CSMD1: variants seen among roughly 807,000 people sequenced by gnomAD.
The protein encoded by CSMD1 is CUB and sushi domain-containing protein 1.
A neutral mutation model predicts 417.5 loss-of-function variants in CSMD1; 213 were observed. That is an observed-to-expected ratio of 0.51 (90% confidence interval 0.46 to 0.57). CSMD1 has a LOEUF of 0.57. Among genes scored for constraint, CSMD1 ranks in the 20% least tolerant of loss-of-function variants. CSMD1 has a pLI of 0.00. For missense variants in CSMD1, 6,923 were observed against 4,529.7 expected, an observed-to-expected ratio of 1.53 and a Z score of -15.17; for synonymous variants, 2,862 against 1,736.8, an observed-to-expected ratio of 1.65 and a Z score of -16.11.
At chr8:4,567,969 C>T (rs1356209452) in intron 2 of CSMD1, among the ~76,000 whole-genome samples, 4 of 152,138 alleles carry the variant, frequency 2.6e-5, no homozygotes, top group Non-Finnish European at 4.4e-5. Context: ...AGCACAAGGA[C>T]TGTTATTTAA....
chr8:4,631,487 G>A (rs532192237), intron 2 of CSMD1, among the ~76,000 whole-genome samples: 5 of 151,256 alleles, frequency 3.3e-5, no homozygotes, highest in Admixed American at 6.6e-5. Context: ...GCAGAATTTA[G>A]GCAATGCTAG....
chr8:4,770,987 G>A (rs186842885), intron 1 of CSMD1, among the ~76,000 whole-genome samples: 4 of 152,182 alleles, frequency 2.6e-5, no homozygotes, highest in East Asian at 3.9e-4. Flanking sequence ...CTTCTGCACA[G>A]CAAAGGAAAT....
chr8:4,465,357 G>A (rs924522898), intron 2 of CSMD1, among the ~76,000 whole-genome samples: 2 of 152,152 alleles, frequency 1.3e-5, no homozygotes, highest in Admixed American at 6.6e-5. Context: ...ATCAGTACAT[G>A]TCTACTAAAG....
At chr8:4,755,245 C>T (rs1811595427) in intron 1 of CSMD1, among the ~76,000 whole-genome samples, 1 of 152,170 alleles carries the variant, frequency 6.6e-6, no homozygotes, top group Non-Finnish European at 1.5e-5. Context: ...GTTGTTTATA[C>T]TCATGTAGGA....
At chr8:4,025,350 T>C (rs540006422) in intron 4 of CSMD1, among the ~76,000 whole-genome samples, 45 of 152,340 alleles carry the variant, frequency 3.0e-4, no homozygotes, top group African/African-American at 9.4e-4. Flanking sequence ...TGTTTTGCAT[T>C]TGATCCTCTA....
chr8:4,804,086 T>C (rs1035199812), intron 1 of CSMD1, among the ~76,000 whole-genome samples: 1 of 152,242 alleles, frequency 6.6e-6, no homozygotes, highest in Non-Finnish European at 1.5e-5. Flanking sequence ...ATTTGGTTAT[T>C]TGTTCAACCA....
chr8:3,912,383 T>G (rs576591593), intron 5 of CSMD1, among the ~76,000 whole-genome samples: 2 of 152,304 alleles, frequency 1.3e-5, no homozygotes, highest in South Asian at 4.1e-4. Context: ...AAGGCAATCT[T>G]CTAGCCAATT....
intron 5 of CSMD1, among the ~76,000 whole-genome samples, chr8:3,934,656 C>G (rs1218455122): frequency 1.2e-4 from 18 of 152,006 alleles, no homozygotes; most frequent in Admixed American, 9.8e-4. Flanking sequence ...GAGTTCGAGA[C>G]CAGCCTGGCC....
At chr8:3,574,369 T>C (rs1800060837) in intron 10 of CSMD1, among the ~76,000 whole-genome samples, 2 of 152,228 alleles carry the variant, frequency 1.3e-5, no homozygotes, top group African/African-American at 4.8e-5. Flanking sequence ...GCCTCTCGAA[T>C]AGCTGGGATG....
intron 3 of CSMD1, among the ~76,000 whole-genome samples, chr8:4,305,883 T>A (rs1222922400): frequency 1.3e-5 from 2 of 152,178 alleles, no homozygotes; most frequent in Admixed American, 6.5e-5. Flanking sequence ...CGTGTGTATA[T>A]GCAATTGTTC....
intron 2 of CSMD1, among the ~76,000 whole-genome samples, chr8:4,591,264 A>G (rs1799969065): frequency 6.6e-6 from 1 of 152,260 alleles, no homozygotes; most frequent in Non-Finnish European, 1.5e-5. Flanking sequence ...CAGGAGGAAG[A>G]GCCAAATGTG....
rs149071725 is a variant in CSMD1, at chr8:3,407,729, G to C, written c.2071+170C>G. Among the ~76,000 whole-genome samples, 418 of 152,240 alleles carry C rather than the reference G, an allele frequency of 2.7e-3. 2 individuals carry two copies. The highest frequency in any genetic ancestry group is 0.01 in the Middle Eastern group (3 of 294). Reference sequence around the variant, plus strand: ...CCTATCTAAATACAGTGATACATTTGTTTTTAAGTTTTCAGGATAACACTA... The same window carrying C: ...CCTATCTAAATACAGTGATACATTTCTTTTTAAGTTTTCAGGATAACACTA... On this transcript the variant is annotated intron_variant, in intron 14 of 69. Coordinates refer to ENST00000635120, the MANE Select transcript of CSMD1 (RefSeq NM_033225.6).
intron 41 of CSMD1, 98 bp downstream of exon 41, chr8:3,142,367 C>A (rs1818555570): frequency 9.4e-7 from 1 of 1,065,558 alleles, no homozygotes; most frequent in African/African-American, 1.6e-5. Flanking sequence ...TCCACTCGTA[C>A]AAGCTTGGAA....
At chr8:4,665,860 G>T (rs574537641) in intron 1 of CSMD1, among the ~76,000 whole-genome samples, 19 of 152,084 alleles carry the variant, frequency 1.2e-4, no homozygotes, top group Non-Finnish European at 2.6e-4. Context: ...CATTTATCTT[G>T]AGTAATTACC....
chr8:3,522,300 T>C (rs1186439807), intron 10 of CSMD1, among the ~76,000 whole-genome samples: 1 of 152,120 alleles, frequency 6.6e-6, no homozygotes, highest in Non-Finnish European at 1.5e-5. Context: ...AACTACGAAG[T>C]AAGAAAAAAG....
At chr8:3,723,392 C>T (rs978531881) in intron 6 of CSMD1, among the ~76,000 whole-genome samples, 2 of 152,188 alleles carry the variant, frequency 1.3e-5, no homozygotes, top group African/African-American at 2.4e-5. Flanking sequence ...ATAAGCTAAT[C>T]ATAGGACAGA....
chr8:4,219,443 C>G (rs898305178), intron 3 of CSMD1, among the ~76,000 whole-genome samples: 1 of 152,162 alleles, frequency 6.6e-6, no homozygotes, highest in Non-Finnish European at 1.5e-5. Flanking sequence ...GATCATAATT[C>G]ATACCCGAAC....
At chr8:3,223,946 C>A in intron 27 of CSMD1, 79 bp from the exon 28 acceptor site, 1 of 1,409,098 alleles carries the variant, frequency 7.1e-7, no homozygotes, top group Admixed American at 2.2e-5. Flanking sequence ...GGAGACACCA[C>A]AGAATTCTTT....
chr8:4,132,215 T>TTTTTC, intron 3 of CSMD1, among the ~76,000 whole-genome samples: 1 of 58,586 alleles, frequency 1.7e-5, no homozygotes, highest in South Asian at 8.2e-4. Context: ...TTTTTTTTTT[T>TTTTTC]CACGGGGTAG....
Sources: gnomAD v4.1 joint callset for allele counts (sites outside exome capture counted in the v4.1 genomes callset) on GRCh38, gnomAD v4.1.1 for gene constraint, MANE v1.5 for transcripts, NCBI Gene and HGNC (gene_info 2026-07-23, HGNC 2026-07-21) for gene names.